Variants in PHEX observed in about 807,000 individuals in gnomAD.
The protein encoded by PHEX is phosphate-regulating neutral endopeptidase PHEX.
In PHEX, 16 loss-of-function variants were observed where a neutral mutation model predicts 68.0. That is an observed-to-expected ratio of 0.24 (90% CI 0.16 to 0.36). The LOEUF is 0.36. Among genes scored for constraint, PHEX ranks in the 10% least tolerant of loss-of-function variants. The pLI is 1.00. For missense variants in PHEX, 480 were observed against 575.5 expected (o/e 0.83, Z 1.70); for synonymous variants, 208 against 205.1 (o/e 1.01, Z -0.12).
chrX:22,213,917 C>T lies in PHEX; in HGVS notation c.1700+959C>T, dbSNP rs188780875. Among the ~76,000 whole-genome samples the T allele has an allele frequency of 1.5e-3, 171 of 112,141 alleles. 3 individuals are homozygous for T. Among genetic ancestry groups the T allele is most frequent in the African/African-American group, 5.2e-3 (160 of 30,891 alleles). ...AGTATTCAAGTGCAATTAGTTCTTT[C>T]GGGAGGTGGTACAAGGAAACACCAG... is the stretch of plus-strand genomic sequence containing the variant. On this transcript the variant is annotated intron_variant, in intron 16 of 21. Transcript: ENST00000379374.
intron 17 of PHEX, among the ~76,000 whole-genome samples, 157 bp downstream of exon 17, chrX:22,219,260 G>A (rs1935191127): frequency 8.9e-6 from 1 of 112,744 alleles, no homozygotes; most frequent in East Asian, 2.8e-4. Context: ...ACCGTGTCTT[G>A]CTGTGATGGC....
At position 22,213,132 on chromosome X, in the gene PHEX, C is replaced by CA. The variant is rs11416169; in HGVS notation, c.1700+175dup. Among the ~76,000 whole-genome samples, 39,603 of 110,825 alleles carry CA rather than the reference C, an allele frequency of 0.36. 5,517 individuals carry two copies. The highest frequency in any genetic ancestry group is 0.47 in the African/African-American group (14,161 of 30,380). ...GTATTTGTTTTCTGATCCTTGTTAC[C>CA]AGGGTGTATGGCTGGACAGGAAAGC... On this transcript the variant is annotated intron_variant, in intron 16 of 21. Transcript: ENST00000379374.
At chrX:22,077,330 A>G in intron 4 of PHEX, 146 bp from the exon 5 acceptor site, 1 of 540,841 alleles carries the variant, frequency 1.8e-6, no homozygotes, top group Non-Finnish European at 3.3e-6. Flanking sequence ...TGCTCATCCC[A>G]CCCCACCTCT....
At chrX:22,228,732 T>TACTTTA (rs199638003) in intron 20 of PHEX, among the ~76,000 whole-genome samples, 12 of 109,646 alleles carry the variant, frequency 1.1e-4, no homozygotes, top group African/African-American at 4.1e-4. Flanking sequence ...TACTTTACTT[T>TACTTTA]AAAAAAAAAT....
intron 12 of PHEX, among the ~76,000 whole-genome samples, chrX:22,154,868 A>G (rs780227044): frequency 8.9e-6 from 1 of 112,171 alleles, no homozygotes; most frequent in Non-Finnish European, 1.9e-5. Context: ...CACTGGCCCT[A>G]TGACATTCCC....
Position 22,085,570 on chromosome X carries a change from A to C in PHEX, c.664-4859A>C, listed in dbSNP as rs1163587382. Among the ~76,000 whole-genome samples, 7 of 99,768 alleles carry C rather than the reference A, an allele frequency of 7.0e-5. No individual in the cohort carries two copies. In the South Asian group the frequency reaches 3.2e-3, roughly 46 times the overall value. The allele number at this position is 99,768 out of a possible 115,157, so 86.6% of individuals were successfully genotyped here. A position where few individuals can be genotyped will look rare whatever the true frequency, so the allele number is the denominator to read the frequency against. On this transcript the variant is annotated intron_variant, in intron 5 of 21. Coordinates refer to ENST00000379374, the MANE Select transcript of PHEX (RefSeq NM_000444.6). ...AGCCTGGGCAACAAAGCGAGACTCC[A>C]TCTCAAAAAAAAAAAAAAAAAGATT...
In PHEX at chrX:22,218,848, TTTTC is replaced by T. The variant is rs771158413; in HGVS notation, c.1701-184_1701-181del. Among the ~76,000 whole-genome samples, 22 of 112,524 alleles carry T rather than the reference TTTTC, an allele frequency of 2.0e-4. No homozygotes were observed. In the East Asian group the frequency reaches 3.1e-3, roughly 16 times the overall value. The stretch of plus-strand genomic sequence containing the variant: ...ATGACAATGTTTGTTAGAATTTATA[TTTTC>T]TTTGTCTATTTCAATTGGAAGGTAT... On this transcript the variant is annotated intron_variant, in intron 16 of 21. Transcript: ENST00000379374.
At chrX:22,199,525 C>T (rs1934482433) in intron 15 of PHEX, among the ~76,000 whole-genome samples, 1 of 111,595 alleles carries the variant, frequency 9.0e-6, no homozygotes, top group Non-Finnish European at 1.9e-5. Flanking sequence ...AAATCTCTTG[C>T]TGTCCAGCTC....
chrX:22,233,541 C>T (rs759317170), intron 20 of PHEX, among the ~76,000 whole-genome samples: 10 of 111,150 alleles, frequency 9.0e-5, no homozygotes, highest in Admixed American at 2.9e-4. Flanking sequence ...CTTGTCTTCT[C>T]GCTTTATTTC....
chrX:22,083,183 CT>C (rs1411730607), intron 5 of PHEX, among the ~76,000 whole-genome samples: 1 of 112,069 alleles, frequency 8.9e-6, no homozygotes. Context: ...CAAAAATCAA[CT>C]CAAGATGGAT....
chrX:22,066,199 T>C (rs887999148), intron 3 of PHEX, among the ~76,000 whole-genome samples: 7 of 111,889 alleles, frequency 6.3e-5, no homozygotes, highest in Non-Finnish European at 1.3e-4. Context: ...ATGAGCGATA[T>C]GTTTTGCCAG....
At position 22,064,698 on chromosome X, in the gene PHEX, T is replaced by C. The variant is rs1430892638; in HGVS notation, c.350-11690T>C. On this transcript the variant is annotated intron_variant, in intron 3 of 21. Transcript: ENST00000379374. ...TTAATTTTTCTTCCATTTGTATTAT[T>C]ATTTTGATGAAAATGTATATATTGC... 3.6e-5 allele frequency among the ~76,000 whole-genome samples: 4 copies of C among 112,347 alleles called. No individual in the cohort carries two copies. In the Admixed American group the frequency reaches 3.8e-4, roughly 11 times the overall value.
chrX:22,128,342 C>T (rs765087791), intron 11 of PHEX, among the ~76,000 whole-genome samples: 5 of 110,518 alleles, frequency 4.5e-5, no homozygotes, highest in South Asian at 3.9e-4. Context: ...GGATTACAGG[C>T]GTGAGCCACT....
chrX:22,144,413 C>T (rs954074270), intron 12 of PHEX, among the ~76,000 whole-genome samples: 8 of 111,014 alleles, frequency 7.2e-5, no homozygotes, highest in South Asian at 3.8e-4. Flanking sequence ...TAAAAATGTA[C>T]GCAAAAATGT....
intron 11 of PHEX, among the ~76,000 whole-genome samples, chrX:22,131,203 C>G (rs1305577236): frequency 9.1e-6 from 1 of 110,236 alleles, no homozygotes; most frequent in Non-Finnish European, 1.9e-5. Context: ...CTACACCCAG[C>G]TAATTTTTTG....
At chrX:22,047,552 T>G (rs1927601054) in intron 3 of PHEX, among the ~76,000 whole-genome samples, 2 of 112,291 alleles carry the variant, frequency 1.8e-5, no homozygotes, top group Non-Finnish European at 3.8e-5. Context: ...ACTTCATTTC[T>G]TGCTCATTGT....
intron 3 of PHEX, among the ~76,000 whole-genome samples, chrX:22,050,214 G>A (rs1927758244): frequency 8.9e-6 from 1 of 112,473 alleles, no homozygotes; most frequent in Non-Finnish European, 1.9e-5. Flanking sequence ...GATTCAATTA[G>A]AACTGTCTTA....
chrX:22,066,811 A>G (rs1035965284), intron 3 of PHEX, among the ~76,000 whole-genome samples: 3 of 111,772 alleles, frequency 2.7e-5, no homozygotes, highest in African/African-American at 9.8e-5. Flanking sequence ...TGGCTTTTTA[A>G]ACCTATGTTT....
intron 20 of PHEX, among the ~76,000 whole-genome samples, chrX:22,234,814 G>T (rs1291873025): frequency 4.0e-5 from 3 of 74,283 alleles, no homozygotes; most frequent in Non-Finnish European, 7.5e-5. Context: ...CACCAGTGGG[G>T]TATCAAAAAA....
Sources: gnomAD v4.1 joint callset for allele counts (sites outside exome capture counted in the v4.1 genomes callset) on GRCh38, gnomAD v4.1.1 for gene constraint, MANE v1.5 for transcripts, NCBI Gene and HGNC (gene_info 2026-07-23, HGNC 2026-07-21) for gene names.